NPFFR1: variants seen among roughly 807,000 people sequenced by gnomAD.
NPFFR1 encodes neuropeptide FF receptor 1, also known as G-protein coupled receptor 147.
A neutral mutation model predicts 12.7 loss-of-function variants in NPFFR1; 17 were observed. That is an observed-to-expected ratio of 1.34 (90% CI 0.92 to 2.01). The LOEUF (loss-of-function observed/expected upper bound fraction) is 2.01. Ranked by LOEUF, NPFFR1 falls within the 30% of genes most tolerant of loss-of-function variation. NPFFR1 has a pLI of 0.00. For missense variants in NPFFR1, 604 were observed against 606.5 expected (o/e 1.00, Z 0.04); for synonymous variants, 296 against 264.5 (o/e 1.12, Z -1.16).
chr10:70,281,708 A>G (rs1371987768), intron 1 of NPFFR1, among the ~76,000 whole-genome samples: 1 of 152,208 alleles, frequency 6.6e-6, no homozygotes, highest in Non-Finnish European at 1.5e-5. Flanking sequence ...TTTCCATGTC[A>G]ATAAAGAAAA....
chr10:70,269,479 A>G (rs534872377), intron 1 of NPFFR1, among the ~76,000 whole-genome samples: 7 of 151,424 alleles, frequency 4.6e-5, no homozygotes, highest in Non-Finnish European at 8.8e-5. Context: ...TATTTTCAGC[A>G]GACACTAAGG....
chr10:70,267,292 T>G (rs1840703653), intron 1 of NPFFR1, among the ~76,000 whole-genome samples: 1 of 152,104 alleles, frequency 6.6e-6, no homozygotes, highest in African/African-American at 2.4e-5. Context: ...CTTTGCCTCC[T>G]CCCATCCCAT....
At chr10:70,261,565 A>C (rs1046440518) in intron 2 of NPFFR1, among the ~76,000 whole-genome samples, 5 of 152,034 alleles carry the variant, frequency 3.3e-5, no homozygotes, top group African/African-American at 9.7e-5. Flanking sequence ...CTTTATGTTG[A>C]CCAGTGATTT....
chr10:70,255,973 T>A lies in NPFFR1; in HGVS notation c.423-146A>T, dbSNP rs1840568315. On this transcript the variant is annotated intron_variant, in intron 3 of 3. Coordinates refer to ENST00000277942, the MANE Select transcript of NPFFR1 (RefSeq NM_022146.5). This position sits in a 1 kb window ranked among gnomAD's most constrained non-coding sequence, Gnocchi z 4.2. ...GCTCAGACCTGAATTGGCTGAGTAG[T>A]CAAAGAACAAAGGCAGCTACAGGAT... 2 of 816,534 alleles carry A rather than the reference T, an allele frequency of 2.4e-6. No individual in the cohort carries two copies. The highest frequency in any genetic ancestry group is 3.6e-5 in the South Asian group (2 of 55,092). 50.6% of individuals were successfully genotyped at this position (816,534 alleles called of 1,614,324 possible).
intron 1 of NPFFR1, among the ~76,000 whole-genome samples, chr10:70,271,688 A>G (rs1464430299): frequency 6.6e-6 from 1 of 152,166 alleles, no homozygotes; most frequent in African/African-American, 2.4e-5. Context: ...CGATGAGACG[A>G]CATGTGAGAA....
rs1409780073 is a variant in NPFFR1 at position 70,249,815 on chromosome 10, T to C, written c.*5142A>G. The C allele has an allele frequency of 6.6e-6, 1 of 151,632 alleles. No homozygotes were observed. The highest frequency in any genetic ancestry group is 1.5e-5 in the Non-Finnish European group (1 of 67,944). The allele number at this position is 151,632 out of a possible 1,614,324, so 9.4% of individuals were successfully genotyped here. On this transcript the variant is annotated 3_prime_UTR_variant, in exon 4 of 4. Transcript: ENST00000277942. ...TGTTTTTAAAAGAAAGATTTGAAGATACTTTACAATAAAAGATATAAGAAT... is the reference window on the plus strand; with the variant it reads ...TGTTTTTAAAAGAAAGATTTGAAGACACTTTACAATAAAAGATATAAGAAT...
chr10:70,253,672 C>A lies in NPFFR1; in HGVS notation c.*1285G>T, dbSNP rs1042181532. 2.0e-5 allele frequency: 3 copies of A among 152,134 alleles called. No individual in the cohort carries two copies. The highest frequency in any genetic ancestry group is 1.3e-4 in the Admixed American group (2 of 15,278). 9.4% of individuals were successfully genotyped at this position (152,134 alleles called of 1,614,324 possible). A position where few individuals can be genotyped will look rare whatever the true frequency, so the allele number is the denominator to read the frequency against. On this transcript the variant is annotated 3_prime_UTR_variant, in exon 4 of 4. Transcript: ENST00000277942. Reference sequence around the variant, plus strand: ...AGGGAACAGAGCCTCAGAGCCCCGACCCCTGGAAACGTTTCTTTTTTGTTT... The same window carrying A: ...AGGGAACAGAGCCTCAGAGCCCCGAACCCTGGAAACGTTTCTTTTTTGTTT...
Position 70,278,396 on chromosome 10 carries a change from G to A in NPFFR1, c.7+5274C>T, listed in dbSNP as rs533732023. On this transcript the variant is annotated intron_variant, in intron 1 of 3. Transcript: ENST00000277942. ...TTAATTTTTTGAGACCTAAATTCAG[G>A]ACTTTACATTTCACTTACATGTACC... is the stretch of plus-strand genomic sequence containing the variant. Among the ~76,000 whole-genome samples the A allele has an allele frequency of 1.2e-4, 18 of 151,328 alleles. No individual in the cohort carries two copies. The South Asian group carries it at 3.6e-3, about 30-fold the overall frequency.
At chr10:70,271,622 T>C (rs1214858199) in intron 1 of NPFFR1, among the ~76,000 whole-genome samples, 1 of 152,090 alleles carries the variant, frequency 6.6e-6, no homozygotes, top group African/African-American at 2.4e-5. Flanking sequence ...CCAGACTCCT[T>C]ATTGGTAAAA....
At chr10:70,261,911 G>A (rs1205839274) in intron 2 of NPFFR1, among the ~76,000 whole-genome samples, 7 of 152,216 alleles carry the variant, frequency 4.6e-5, no homozygotes, top group Non-Finnish European at 2.9e-5. Context: ...CTCCTGAGCA[G>A]CTGGAACCAC....
chr10:70,266,155 T>G lies in NPFFR1; in HGVS notation c.244A>C (p.Ile82Leu), dbSNP rs754385897. 3.1e-6 allele frequency: 5 copies of G among 1,613,862 alleles called. No individual in the cohort carries two copies. Among genetic ancestry groups the G allele is most frequent in the Non-Finnish European group, 3.4e-6 (4 of 1,179,892 alleles). The part of the protein sequence containing the change: ...RHMHTVTNMF[I>L]LNLAVSDLLV... ...AGGTCACTGACAGCCAGGTTGAGGA[T>G]GAACATGTTGGTGACAGTATGCATG... is the stretch of plus-strand genomic sequence containing the variant. Residue 82 changes from isoleucine to leucine, a missense_variant, in exon 2 of 4, where the codon ATC (isoleucine) becomes CTC (leucine). Coordinates refer to ENST00000277942, the MANE Select transcript of NPFFR1 (RefSeq NM_022146.5).
chr10:70,283,868 G>A lies in NPFFR1; in HGVS notation c.-192C>T, dbSNP rs921729614. Among the ~76,000 whole-genome samples the A allele has an allele frequency of 2.0e-5, 3 of 152,070 alleles. No individual in the cohort carries two copies. Among genetic ancestry groups the A allele is most frequent in the Admixed American group, 2.0e-4 (3 of 15,278 alleles). On this transcript the variant is annotated 5_prime_UTR_variant, in exon 1 of 4. Transcript: ENST00000277942. ...CGCTCCCAGGCCCCGGGCCCTGGCC[G>A]GTTTCCCTCCCCTCGGGCTGACTGG...
intron 1 of NPFFR1, among the ~76,000 whole-genome samples, chr10:70,272,190 G>GGAAA (rs201763991): frequency 6.3e-5 from 8 of 127,164 alleles, no homozygotes; most frequent in South Asian, 2.8e-4. Flanking sequence ...GAGGGAGGGA[G>GGAAA]GAAAGAAAGA....
intron 1 of NPFFR1, among the ~76,000 whole-genome samples, chr10:70,271,876 G>A (rs553448628): frequency 3.9e-5 from 6 of 152,116 alleles, no homozygotes; most frequent in African/African-American, 1.4e-4. Context: ...CAGCACTTTG[G>A]GAGGCCAAAG....
intron 1 of NPFFR1, among the ~76,000 whole-genome samples, chr10:70,274,607 C>A (rs1294807320): frequency 6.6e-6 from 1 of 152,086 alleles, no homozygotes; most frequent in East Asian, 1.9e-4. Context: ...GACCCTAAGC[C>A]CCCATGCCAC....
intron 1 of NPFFR1, among the ~76,000 whole-genome samples, chr10:70,274,246 G>A (rs948183547): frequency 9.9e-5 from 15 of 151,860 alleles, no homozygotes; most frequent in South Asian, 2.1e-4. Flanking sequence ...TCAGGAGTTC[G>A]AGACCAGCCC....
intron 2 of NPFFR1, among the ~76,000 whole-genome samples, chr10:70,263,906 G>A (rs1247597086): frequency 1.3e-5 from 2 of 152,038 alleles, no homozygotes; most frequent in South Asian, 2.1e-4. Context: ...GAACCCAGGA[G>A]TTTGAGACAA....
chr10:70,266,007 T>G, intron 2 of NPFFR1, 70 bp downstream of exon 2: 1 of 1,431,984 alleles, frequency 7.0e-7, no homozygotes, highest in African/African-American at 1.4e-5. Flanking sequence ...TAAGCTTTGA[T>G]TTCCAGCCTT....
chr10:70,271,711 C>T (rs911231959), intron 1 of NPFFR1, among the ~76,000 whole-genome samples: 4 of 151,954 alleles, frequency 2.6e-5, no homozygotes, highest in Admixed American at 6.6e-5. Flanking sequence ...AAGAGCACAT[C>T]GTACACATGG....
Sources: allele counts gnomAD v4.1 joint callset (sites outside exome capture counted in the v4.1 genomes callset), GRCh38; gene constraint gnomAD v4.1.1; non-coding constraint Gnocchi (gnomAD v3.1); transcripts MANE v1.5; gene names NCBI Gene and HGNC (gene_info 2026-07-23, HGNC 2026-07-21).